Variants in LCOR observed in about 807,000 individuals in gnomAD.
LCOR encodes the protein ligand dependent nuclear receptor corepressor, also known as ligand-dependent corepressor.
A neutral mutation model predicts 64.4 loss-of-function variants in LCOR; 14 were observed. That is an observed-to-expected ratio of 0.22 (90% CI 0.14 to 0.34). The LOEUF is 0.34. Among genes scored for constraint, LCOR ranks in the 10% least tolerant of loss-of-function variants. The pLI, the probability that LCOR is intolerant of heterozygous loss-of-function variation, is 1.00. For synonymous variants in LCOR, 643 were observed against 642.5 expected, an observed-to-expected ratio of 1.00 and a Z score of -0.01; for missense variants, 1,686 against 1,765.3, an observed-to-expected ratio of 0.96 and a Z score of 0.80.
chr10:96,942,594 C>T (rs1043855144), intron 4 of LCOR, among the ~76,000 whole-genome samples: 1 of 152,124 alleles, frequency 6.6e-6, no homozygotes, highest in East Asian at 1.9e-4. Context: ...TTTGAATATG[C>T]CAGTGAGTTC....
chr10:96,928,698 A>G (rs1847208277), intron 4 of LCOR, among the ~76,000 whole-genome samples: 1 of 152,292 alleles, frequency 6.6e-6, no homozygotes, highest in Admixed American at 6.5e-5. Context: ...TCTTTTCCGG[A>G]AAGTTTTTAA....
At chr10:96,847,454 T>C (rs1332685572) in intron 2 of LCOR, among the ~76,000 whole-genome samples, 1 of 152,086 alleles carries the variant, frequency 6.6e-6, no homozygotes, top group Non-Finnish European at 1.5e-5. Context: ...TTATTTATTT[T>C]TTGAGACAGA....
intron 2 of LCOR, among the ~76,000 whole-genome samples, chr10:96,864,431 C>G (rs2134396573): frequency 6.6e-6 from 1 of 152,236 alleles, no homozygotes; most frequent in Middle Eastern, 3.4e-3. Context: ...TATTTTTATT[C>G]ACTGAGCCAA....
chr10:96,904,078 C>T (rs551560244), intron 2 of LCOR, among the ~76,000 whole-genome samples: 4 of 152,266 alleles, frequency 2.6e-5, no homozygotes, highest in Admixed American at 2.0e-4. Context: ...CTTGAGAATT[C>T]TGAGGATGAG....
intron 2 of LCOR, among the ~76,000 whole-genome samples, chr10:96,840,189 G>A (rs1845515686): frequency 6.6e-6 from 1 of 152,144 alleles, no homozygotes; most frequent in Non-Finnish European, 1.5e-5. Flanking sequence ...GATTGTGAGG[G>A]TCAAGTTAGG....
intron 4 of LCOR, among the ~76,000 whole-genome samples, chr10:96,925,324 C>T (rs1386672219): frequency 6.6e-6 from 1 of 152,178 alleles, no homozygotes; most frequent in African/African-American, 2.4e-5. Context: ...GATCACCTGC[C>T]TCGGCCTCCC....
intron 2 of LCOR, among the ~76,000 whole-genome samples, chr10:96,840,301 A>T (rs1391287651): frequency 6.6e-6 from 1 of 152,200 alleles, no homozygotes; most frequent in South Asian, 2.1e-4. Context: ...AGAGTTGTAG[A>T]TTCTTTTAGC....
chr10:96,984,521 T>C lies in LCOR; in HGVS notation c.4061T>C (p.Leu1354Pro). ...CGTAAGAGCGTATGCATCAACCCTC[T>C]GATGTCCCCCAAGCTTGCCCTGCAA... ...PSRKSVCINP[L>P]MSPKLALQVD... Residue 1354 changes from leucine to proline, a missense_variant, in exon 8 of 8, where the codon CTG becomes CCG. Leu to Pro is a moderately conservative substitution (Grantham distance 98). Transcript: ENST00000421806. 1.2e-6 allele frequency: 2 copies of C among 1,614,218 alleles called. No homozygotes were observed. The highest frequency in any genetic ancestry group is 8.5e-7 in the Non-Finnish European group (1 of 1,180,040).
At chr10:96,932,817 A>AC (rs1308516167) in intron 4 of LCOR, among the ~76,000 whole-genome samples, 1 of 152,178 alleles carries the variant, frequency 6.6e-6, no homozygotes, top group Non-Finnish European at 1.5e-5. Context: ...GCACCATAGT[A>AC]CCCCGAACAC....
chr10:96,938,731 A>G (rs900496084), intron 4 of LCOR, among the ~76,000 whole-genome samples: 1 of 152,248 alleles, frequency 6.6e-6, no homozygotes, highest in Non-Finnish European at 1.5e-5. Flanking sequence ...ATTGCTATAC[A>G]CTAGCAGTGA....
chr10:96,864,155 T>A (rs893471194), intron 2 of LCOR, among the ~76,000 whole-genome samples: 1 of 152,094 alleles, frequency 6.6e-6, no homozygotes, highest in African/African-American at 2.4e-5. Context: ...CAACAGAGAT[T>A]AAAGGTTATA....
intron 1 of LCOR, chr10:96,832,809 GA>G (rs1429588404): frequency 5.7e-6 from 1 of 176,964 alleles, no homozygotes; most frequent in Admixed American, 6.6e-5. Context: ...GGGGAGGCGC[GA>G]GGGGCGCGGG....
chr10:96,880,325 G>A (rs1023884204), intron 2 of LCOR, among the ~76,000 whole-genome samples: 4 of 152,166 alleles, frequency 2.6e-5, no homozygotes, highest in African/African-American at 9.7e-5. Flanking sequence ...TGATGATAAT[G>A]GTGGCCTTCT....
intron 2 of LCOR, among the ~76,000 whole-genome samples, chr10:96,874,175 TC>T (rs1232722124): frequency 1.3e-5 from 2 of 152,234 alleles, no homozygotes; most frequent in African/African-American, 4.8e-5. Flanking sequence ...TTAGTAGAGA[TC>T]AATATGCTTG....
chr10:96,955,472 G>A (rs753194505), intron 7 of LCOR: 9 of 1,614,016 alleles, frequency 5.6e-6, no homozygotes, highest in African/African-American at 1.3e-5. Flanking sequence ...GTTCACAAAC[G>A]GAGAGCGCGC....
intron 7 of LCOR, among the ~76,000 whole-genome samples, chr10:96,968,819 C>T (rs1032561091): frequency 1.3e-5 from 2 of 151,994 alleles, no homozygotes; most frequent in Non-Finnish European, 2.9e-5. Context: ...CCTGTAGTCC[C>T]AGCTCTACTT....
intron 7 of LCOR, chr10:96,960,898 A>C (rs1321704824): frequency 6.6e-6 from 1 of 152,172 alleles, no homozygotes; most frequent in Non-Finnish European, 1.5e-5. Context: ...ATTTGTGAAC[A>C]TGGTGATGGA....
chr10:96,906,739 CA>C (rs1269378370), intron 2 of LCOR, among the ~76,000 whole-genome samples: 18 of 152,076 alleles, frequency 1.2e-4, no homozygotes, highest in African/African-American at 4.1e-4. Context: ...TAAATACTTA[CA>C]AAAGTCTTTT....
intron 2 of LCOR, among the ~76,000 whole-genome samples, chr10:96,849,011 GTT>G (rs144865916): frequency 0.15 from 15,711 of 106,470 alleles, 1,209 homozygotes; most frequent in African/African-American, 0.29. Context: ...AGTTGAAAAT[GTT>G]TTTTTTTTTT....
Sources: allele counts gnomAD v4.1 joint callset (sites outside exome capture counted in the v4.1 genomes callset), GRCh38; gene constraint gnomAD v4.1.1; transcripts MANE v1.5; gene names NCBI Gene and HGNC (gene_info 2026-07-23, HGNC 2026-07-21).